The following C8orf34 variants were observed in gnomAD, a reference collection of about 807,000 sequenced individuals.
C8orf34 encodes uncharacterized protein C8orf34.
Under a neutral mutation model 68.3 loss-of-function variants are expected in C8orf34, and 65 were observed. The ratio of observed to expected loss-of-function variants is 0.95; its 90% CI spans 0.78 to 1.17. The LOEUF (loss-of-function observed/expected upper bound fraction) is 1.17, where lower values mean the gene tolerates loss of function less well. C8orf34 is among the 50% of genes most tolerant of loss of function. The pLI, the probability that C8orf34 is intolerant of heterozygous loss-of-function variation, is 0.00. For missense variants in C8orf34, 664 were observed against 655.4 expected (o/e 1.01, Z -0.14); for synonymous variants, 244 against 241.2 (o/e 1.01, Z -0.11).
intron 12 of C8orf34, among the ~76,000 whole-genome samples, chr8:68,800,988 A>G (rs956402881): frequency 3.9e-5 from 6 of 152,178 alleles, no homozygotes; most frequent in African/African-American, 1.4e-4. Flanking sequence ...CTATGAGGCT[A>G]TGTTTACATA....
chr8:68,685,960 C>A (rs58091004), intron 8 of C8orf34, among the ~76,000 whole-genome samples: 11,177 of 151,570 alleles, frequency 0.074, 606 homozygotes, highest in African/African-American at 0.15. Flanking sequence ...GACATTATAA[C>A]CAATACCATA....
At chr8:68,500,484 A>G (rs1037245615) in intron 5 of C8orf34, among the ~76,000 whole-genome samples, 1 of 152,202 alleles carries the variant, frequency 6.6e-6, no homozygotes. Context: ...AGGTTGGTGC[A>G]TTAGTATTGT....
At chr8:68,810,029 A>G (rs1412218723) in intron 12 of C8orf34, among the ~76,000 whole-genome samples, 4 of 152,230 alleles carry the variant, frequency 2.6e-5, no homozygotes, top group Non-Finnish European at 5.9e-5. Context: ...CCTAATGTCA[A>G]TCTTTGGGGA....
At chr8:68,366,595 A>G (rs1018557087) in intron 1 of C8orf34, among the ~76,000 whole-genome samples, 1 of 151,584 alleles carries the variant, frequency 6.6e-6, no homozygotes, top group Non-Finnish European at 1.5e-5. Flanking sequence ...ATAACACCGC[A>G]TACCTACAAC....
intron 1 of C8orf34, among the ~76,000 whole-genome samples, chr8:68,419,145 A>G (rs1328790211): frequency 2.6e-5 from 4 of 152,076 alleles, no homozygotes; most frequent in Non-Finnish European, 5.9e-5. Context: ...GAAAAAAACA[A>G]CCCCATCAAG....
intron 1 of C8orf34, among the ~76,000 whole-genome samples, chr8:68,340,185 T>C (rs1253038972): frequency 6.6e-6 from 1 of 152,108 alleles, no homozygotes; most frequent in Non-Finnish European, 1.5e-5. Context: ...CCAACCACTT[T>C]GGAAAAAAGT....
At chr8:68,505,101 A>G (rs1813949933) in intron 5 of C8orf34, among the ~76,000 whole-genome samples, 2 of 152,082 alleles carry the variant, frequency 1.3e-5, no homozygotes, top group South Asian at 2.1e-4. Context: ...CACCATGCCT[A>G]GCCCCAAATT....
chr8:68,439,351 G>T (rs184740450), intron 1 of C8orf34, 148 bp from the exon 2 acceptor site: 1 of 616,680 alleles, frequency 1.6e-6, no homozygotes, highest in Non-Finnish European at 2.7e-6. Context: ...ACTTGTAGCC[G>T]TCTGAAAAGA....
chr8:68,763,051 G>T (rs987149025), intron 10 of C8orf34, among the ~76,000 whole-genome samples: 10 of 152,152 alleles, frequency 6.6e-5, no homozygotes, highest in Non-Finnish European at 1.5e-4. Context: ...TATAAAGTCT[G>T]TCCTAGGCAT....
chr8:68,545,686 G>GA (rs1815851957), intron 7 of C8orf34, among the ~76,000 whole-genome samples: 1 of 152,104 alleles, frequency 6.6e-6, no homozygotes, highest in South Asian at 2.1e-4. Context: ...CAAAAGCTGA[G>GA]AGAACATGTT....
intron 5 of C8orf34, among the ~76,000 whole-genome samples, chr8:68,492,834 G>A (rs2129631972): frequency 6.6e-6 from 1 of 151,434 alleles, no homozygotes; most frequent in East Asian, 2.0e-4. Context: ...ACAAATGACA[G>A]AGTTTTTGTT....
At chr8:68,405,933 C>A (rs930789253) in intron 1 of C8orf34, among the ~76,000 whole-genome samples, 1 of 152,142 alleles carries the variant, frequency 6.6e-6, no homozygotes, top group Non-Finnish European at 1.5e-5. Flanking sequence ...TATCACAAAG[C>A]ATACAAAAAG....
chr8:68,496,379 G>C (rs1007813288), intron 5 of C8orf34, among the ~76,000 whole-genome samples: 5 of 152,146 alleles, frequency 3.3e-5, no homozygotes, highest in African/African-American at 1.2e-4. Flanking sequence ...CAGAGATTTT[G>C]CTGAGTTGAG....
intron 1 of C8orf34, among the ~76,000 whole-genome samples, chr8:68,429,871 G>T (rs1182749592): frequency 6.6e-6 from 1 of 152,126 alleles, no homozygotes; most frequent in African/African-American, 2.4e-5. Flanking sequence ...TTAGTGGTAT[G>T]GTATCATAGA....
At chr8:68,394,095 T>TA (rs1808587045) in intron 1 of C8orf34, among the ~76,000 whole-genome samples, 2 of 152,020 alleles carry the variant, frequency 1.3e-5, no homozygotes, top group African/African-American at 4.8e-5. Context: ...CCATTTTTTT[T>TA]TTATTATTAT....
chr8:68,795,324 C>A (rs1824145862), intron 12 of C8orf34, among the ~76,000 whole-genome samples: 1 of 127,412 alleles, frequency 7.8e-6, no homozygotes, highest in Non-Finnish European at 1.7e-5. Context: ...TTATTGACTG[C>A]TTTTTTTTTT....
In C8orf34 at chr8:68,376,550, T is replaced by C. The variant is rs577131217; in HGVS notation, c.327+45211T>C. 2.6e-5 allele frequency among the ~76,000 whole-genome samples: 4 copies of C among 152,144 alleles called. No homozygotes were observed. The East Asian group carries it at 7.7e-4, about 29-fold the overall frequency. On this transcript the variant is annotated intron_variant, in intron 1 of 13. Transcript: ENST00000518698. ...TAATCCGAAACCTGTAGAGTCATTA[T>C]ACTCCTTCCTCTTGGGCCTGCCTGC...
chr8:68,797,842 AT>A (rs1824221637), intron 12 of C8orf34, among the ~76,000 whole-genome samples: 1 of 152,178 alleles, frequency 6.6e-6, no homozygotes. Context: ...GGCACTAGAG[AT>A]TTGGGTATAC....
intron 8 of C8orf34, among the ~76,000 whole-genome samples, chr8:68,673,880 G>A (rs1218494882): frequency 1.3e-5 from 2 of 152,192 alleles, no homozygotes; most frequent in East Asian, 3.9e-4. Context: ...CAGCTGTGGT[G>A]ACCACAGGGG....
Sources: allele counts gnomAD v4.1 joint callset (sites outside exome capture counted in the v4.1 genomes callset), GRCh38; gene constraint gnomAD v4.1.1; transcripts MANE v1.5; gene names NCBI Gene and HGNC (gene_info 2026-07-23, HGNC 2026-07-21).